TMEM132D: variants seen among roughly 807,000 people sequenced by gnomAD.
TMEM132D encodes transmembrane protein 132D.
In TMEM132D, 21 loss-of-function variants were observed where a neutral mutation model predicts 62.3. That is an observed-to-expected ratio of 0.34 (90% CI 0.24 to 0.49). The LOEUF (loss-of-function observed/expected upper bound fraction) is 0.49, where lower values mean the gene tolerates loss of function less well. Ranked by LOEUF, TMEM132D falls within the 20% of genes least tolerant of loss-of-function variation. TMEM132D has a pLI of 0.99. For missense variants in TMEM132D, 1,346 were observed against 1,402.8 expected (o/e 0.96, Z 0.65); for synonymous variants, 621 against 575.6 (o/e 1.08, Z -1.13).
At chr12:129,433,213 G>C (rs1872709203) in intron 3 of TMEM132D, among the ~76,000 whole-genome samples, 1 of 152,000 alleles carries the variant, frequency 6.6e-6, no homozygotes, top group Non-Finnish European at 1.5e-5. Flanking sequence ...GTGATACCAG[G>C]GACATTCTTG....
At position 129,874,014 on chromosome 12, in the gene TMEM132D, C is replaced by G. The variant is rs76818501; in HGVS notation, c.79+29247G>C. Among the ~76,000 whole-genome samples, 1,328 of 152,296 alleles carry G rather than the reference C, an allele frequency of 8.7e-3. 18 individuals are homozygous for G. Among genetic ancestry groups the G allele is most frequent in the African/African-American group, 0.03 (1,253 of 41,560 alleles). On this transcript the variant is annotated intron_variant, in intron 1 of 8. Coordinates refer to ENST00000422113, the MANE Select transcript of TMEM132D (RefSeq NM_133448.3). Reference sequence around the variant, plus strand: ...TTCCTCTCCCGCACTAAACCTCAGGCCCTGCTCAGACGGGGATTACAACAG... The same window carrying G: ...TTCCTCTCCCGCACTAAACCTCAGGGCCTGCTCAGACGGGGATTACAACAG...
At chr12:129,861,127 A>C (rs1737001957) in intron 1 of TMEM132D, among the ~76,000 whole-genome samples, 1 of 152,210 alleles carries the variant, frequency 6.6e-6, no homozygotes, top group Admixed American at 6.5e-5. Flanking sequence ...ACTTTGAGAA[A>C]TCTGTGACCA....
intron 1 of TMEM132D, among the ~76,000 whole-genome samples, chr12:129,759,116 T>A (rs556138035): frequency 1.3e-4 from 20 of 152,160 alleles, no homozygotes; most frequent in African/African-American, 4.8e-4. Flanking sequence ...GTATTTTTAG[T>A]AGAGACAGGG....
At chr12:129,691,855 A>T (rs1881070061) in intron 2 of TMEM132D, among the ~76,000 whole-genome samples, 1 of 152,104 alleles carries the variant, frequency 6.6e-6, no homozygotes, top group Non-Finnish European at 1.5e-5. Context: ...TATAACTAGG[A>T]TTTAAGATAG....
chr12:129,260,435 G>A (rs1880521888), intron 4 of TMEM132D, among the ~76,000 whole-genome samples: 1 of 152,198 alleles, frequency 6.6e-6, no homozygotes, highest in African/African-American at 2.4e-5. Flanking sequence ...AGCTGAACAA[G>A]TGACTAGAAG....
chr12:129,744,670 G>A (rs1565970449), intron 1 of TMEM132D, among the ~76,000 whole-genome samples: 2 of 152,024 alleles, frequency 1.3e-5, no homozygotes, highest in South Asian at 2.1e-4. Flanking sequence ...ACTTGAGAGT[G>A]AGCACTTCCC....
intron 2 of TMEM132D, among the ~76,000 whole-genome samples, chr12:129,635,018 T>C (rs750991620): frequency 6.6e-5 from 10 of 152,226 alleles, no homozygotes; most frequent in Non-Finnish European, 1.2e-4. Flanking sequence ...AACTCAAAAC[T>C]ATAATGAAAC....
chr12:129,738,422 G>C (rs968838696), intron 1 of TMEM132D, among the ~76,000 whole-genome samples: 1 of 152,112 alleles, frequency 6.6e-6, no homozygotes, highest in African/African-American at 2.4e-5. Context: ...AAAGGAAGAG[G>C]GGGGAAGGAA....
chr12:129,590,295 G>A (rs908330924), intron 2 of TMEM132D, among the ~76,000 whole-genome samples: 5 of 152,204 alleles, frequency 3.3e-5, no homozygotes, highest in Admixed American at 1.3e-4. Context: ...GGGCCACCAC[G>A]TCAGAACTGC....
chr12:129,448,899 G>A (rs748945490), intron 3 of TMEM132D, among the ~76,000 whole-genome samples: 9 of 152,130 alleles, frequency 5.9e-5, no homozygotes, highest in South Asian at 2.1e-4. Context: ...TGCCAGTAAC[G>A]TATCATAAAT....
chr12:129,487,349 G>C (rs6416185), intron 3 of TMEM132D, among the ~76,000 whole-genome samples: 120,652 of 152,154 alleles, frequency 0.79, 47,815 homozygotes, highest in South Asian at 0.87. Context: ...GCAGTGGGAA[G>C]TGCAGGAGGA....
chr12:129,772,162 C>T (rs946444852), intron 1 of TMEM132D, among the ~76,000 whole-genome samples: 1 of 152,032 alleles, frequency 6.6e-6, no homozygotes, highest in African/African-American at 2.4e-5. Context: ...AAACTATTGA[C>T]CTGTCTCATT....
intron 1 of TMEM132D, among the ~76,000 whole-genome samples, chr12:129,742,798 T>C (rs890640493): frequency 6.6e-6 from 1 of 152,198 alleles, no homozygotes. Flanking sequence ...TGTGGCTCTG[T>C]TGATTGGCTC....
chr12:129,596,694 T>G (rs1878346294), intron 2 of TMEM132D, among the ~76,000 whole-genome samples: 1 of 152,224 alleles, frequency 6.6e-6, no homozygotes, highest in Admixed American at 6.5e-5. Flanking sequence ...AATTCCTACT[T>G]TTGAATTACT....
At chr12:129,735,205 A>G (rs1446963540) in intron 1 of TMEM132D, among the ~76,000 whole-genome samples, 2 of 152,234 alleles carry the variant, frequency 1.3e-5, no homozygotes, top group Non-Finnish European at 2.9e-5. Flanking sequence ...AGTCTTGATC[A>G]CATTTTGCAT....
chr12:129,555,541 C>T (rs1417929920), intron 2 of TMEM132D, among the ~76,000 whole-genome samples: 2 of 152,116 alleles, frequency 1.3e-5, no homozygotes, highest in Non-Finnish European at 2.9e-5. Context: ...ATTCGAAAGT[C>T]ATCAGAAGAA....
intron 1 of TMEM132D, among the ~76,000 whole-genome samples, chr12:129,874,603 A>AC (rs1250206444): frequency 6.6e-6 from 1 of 150,398 alleles, no homozygotes; most frequent in Non-Finnish European, 1.5e-5. Flanking sequence ...AAAAAAAAAA[A>AC]AAAAACGGAG....
intron 3 of TMEM132D, among the ~76,000 whole-genome samples, chr12:129,467,343 G>C (rs536865858): frequency 6.6e-6 from 1 of 152,238 alleles, no homozygotes; most frequent in South Asian, 2.1e-4. Context: ...CTCAAAGATG[G>C]TGAAAGGAAG....
intron 2 of TMEM132D, among the ~76,000 whole-genome samples, chr12:129,695,144 T>G (rs1881173010): frequency 1.3e-5 from 2 of 152,246 alleles, no homozygotes. Flanking sequence ...TTGAATTTAA[T>G]TCAGCTGAAG....
Sources: gnomAD v4.1 joint callset for allele counts (sites outside exome capture counted in the v4.1 genomes callset) on GRCh38, gnomAD v4.1.1 for gene constraint, MANE v1.5 for transcripts, NCBI Gene and HGNC (gene_info 2026-07-23, HGNC 2026-07-21) for gene names.